The following BTC variants were observed in gnomAD, a reference collection of about 807,000 sequenced individuals.
The protein encoded by BTC is probetacellulin.
Under a neutral mutation model 18.1 loss-of-function variants are expected in BTC, and 13 were observed. The observed-to-expected ratio is 0.72, with a 90% confidence interval of 0.47 to 1.14. The LOEUF is 1.14. BTC is among the 50% of genes most tolerant of loss of function. BTC has a pLI of 0.00. For synonymous variants in BTC, 83 were observed against 79.4 expected, an observed-to-expected ratio of 1.05 and a Z score of -0.24; for missense variants, 247 against 224.2, an observed-to-expected ratio of 1.10 and a Z score of -0.65.
Position 74,755,879 on chromosome 4 carries a change from G to T in BTC, c.261C>A (p.Ala87=). 1 of 1,614,080 alleles carries T rather than the reference G, an allele frequency of 6.2e-7. No individual in the cohort carries two copies. Among genetic ancestry groups the T allele is most frequent in the African/African-American group, 1.3e-5 (1 of 75,026 alleles). ...CTTACACACAGGAGGGCGTCTGCTC[G>T]GCCACCACGAAGCGGCATCTCCCTT... The part of the protein sequence containing the change: ...CIKGRCRFVV[A]EQTPSCVCDE... Residue 87 remains alanine (A), a synonymous_variant, in exon 3 of 6, where the codon GCC becomes GCA. Transcript: ENST00000395743.
At chr4:74,764,705 T>C (rs949453102) in intron 2 of BTC, among the ~76,000 whole-genome samples, 1 of 152,220 alleles carries the variant, frequency 6.6e-6, no homozygotes, top group African/African-American at 2.4e-5. Context: ...GAGGCCATTA[T>C]TTTAAGAGAA....
chr4:74,758,679 C>A (rs1361310983), intron 2 of BTC, among the ~76,000 whole-genome samples: 1 of 152,128 alleles, frequency 6.6e-6, no homozygotes, highest in Non-Finnish European at 1.5e-5. Context: ...AGCAAATTAA[C>A]CAGCAGCTGC....
chr4:74,772,690 C>T (rs534095229), intron 1 of BTC, among the ~76,000 whole-genome samples: 13 of 151,730 alleles, frequency 8.6e-5, no homozygotes, highest in East Asian at 3.9e-4. Flanking sequence ...ATAGAGATTC[C>T]GCATCTGCAA....
chr4:74,786,397 C>A (rs1012910668), intron 1 of BTC, among the ~76,000 whole-genome samples: 11 of 152,182 alleles, frequency 7.2e-5, no homozygotes, highest in African/African-American at 2.7e-4. Flanking sequence ...AGAGTTCAGA[C>A]AATTGATTGT....
At chr4:74,786,397 C>T (rs1012910668) in intron 1 of BTC, among the ~76,000 whole-genome samples, 1 of 152,182 alleles carries the variant, frequency 6.6e-6, no homozygotes, top group Non-Finnish European at 1.5e-5. Flanking sequence ...AGAGTTCAGA[C>T]AATTGATTGT....
At chr4:74,751,832 G>C (rs1322179956) in intron 3 of BTC, among the ~76,000 whole-genome samples, 1 of 152,060 alleles carries the variant, frequency 6.6e-6, no homozygotes, top group Non-Finnish European at 1.5e-5. Flanking sequence ...TAATATTAGG[G>C]AAATAGTAAT....
At chr4:74,759,264 A>G (rs6843005) in intron 2 of BTC, among the ~76,000 whole-genome samples, 93,683 of 151,970 alleles carry the variant, frequency 0.62, 28,974 homozygotes, top group East Asian at 0.66. Context: ...TAAGTGTCGT[A>G]TTTCTCTGCT....
intron 4 of BTC, 80 bp from the exon 5 acceptor site, chr4:74,748,229 A>G (rs1460179914): frequency 1.1e-5 from 10 of 891,848 alleles, no homozygotes; most frequent in Non-Finnish European, 1.4e-5. Context: ...AGATCCTATG[A>G]TCAGGTTTCT....
intron 2 of BTC, among the ~76,000 whole-genome samples, chr4:74,759,047 T>C (rs951986921): frequency 6.6e-6 from 1 of 152,132 alleles, no homozygotes; most frequent in African/African-American, 2.4e-5. Flanking sequence ...TTCTTTTTTT[T>C]GAACGGCACC....
intron 5 of BTC, 111 bp from the exon 6 acceptor site, chr4:74,746,786 GT>G (rs34803105): frequency 0.21 from 32,282 of 152,282 alleles, 3,778 homozygotes; most frequent in Middle Eastern, 0.28. Flanking sequence ...CAATAATGTT[GT>G]TTTTGTAATA....
intron 2 of BTC, among the ~76,000 whole-genome samples, chr4:74,769,072 T>G (rs912480654): frequency 2.6e-5 from 4 of 152,126 alleles, no homozygotes; most frequent in Non-Finnish European, 4.4e-5. Context: ...CAGGAAGACT[T>G]GCTCAGTGTG....
intron 1 of BTC, among the ~76,000 whole-genome samples, chr4:74,772,954 G>A (rs1313033519): frequency 2.6e-5 from 4 of 152,152 alleles, no homozygotes; most frequent in African/African-American, 9.7e-5. Context: ...GCTAAGCTTT[G>A]TTTCACATGC....
At chr4:74,790,845 A>AG (rs1318060841) in intron 1 of BTC, among the ~76,000 whole-genome samples, 1 of 152,234 alleles carries the variant, frequency 6.6e-6, no homozygotes, top group Non-Finnish European at 1.5e-5. Context: ...AAGAGCCAGG[A>AG]GTCCAAGAAT....
At chr4:74,762,697 T>C (rs974867549) in intron 2 of BTC, among the ~76,000 whole-genome samples, 2 of 152,138 alleles carry the variant, frequency 1.3e-5, no homozygotes, top group Non-Finnish European at 2.9e-5. Flanking sequence ...GACCATCATA[T>C]AAGAGTAGAC....
intron 1 of BTC, among the ~76,000 whole-genome samples, chr4:74,772,595 C>T (rs1479798367): frequency 1.3e-5 from 2 of 151,584 alleles, no homozygotes; most frequent in African/African-American, 4.8e-5. Flanking sequence ...AAATCCCATC[C>T]ATGGGCTTTC....
chr4:74,775,043 G>T (rs917082012), intron 1 of BTC, among the ~76,000 whole-genome samples: 2 of 152,064 alleles, frequency 1.3e-5, no homozygotes, highest in African/African-American at 4.8e-5. Flanking sequence ...TCTGGATTGT[G>T]GTACCAATCA....
At chr4:74,779,885 A>G (rs75787250) in intron 1 of BTC, among the ~76,000 whole-genome samples, 81 of 152,290 alleles carry the variant, frequency 5.3e-4, no homozygotes, top group South Asian at 2.1e-3. Flanking sequence ...AATATAAATA[A>G]AGAAATATTA....
chr4:74,748,435 C>T (rs1174055489), intron 4 of BTC, among the ~76,000 whole-genome samples: 1 of 151,886 alleles, frequency 6.6e-6, no homozygotes, highest in African/African-American at 2.4e-5. Flanking sequence ...ACTCGGGAGG[C>T]TGAGGCAGGA....
At position 74,746,440 on chromosome 4, in the gene BTC, T is replaced by A. The variant is rs1044057696; in HGVS notation, c.*237A>T. 1.3e-5 allele frequency: 2 copies of A among 152,642 alleles called. No individual in the cohort carries two copies. Among genetic ancestry groups the A allele is most frequent in the Non-Finnish European group, 2.9e-5 (2 of 68,036 alleles). The allele number at this position is 152,642 out of a possible 1,614,324, so 9.5% of individuals were successfully genotyped here. On this transcript the variant is annotated 3_prime_UTR_variant, in exon 6 of 6. Coordinates refer to ENST00000395743, the MANE Select transcript of BTC (RefSeq NM_001729.4). ...TACTTAAGTGAAAGGTTATTGAAAT[T>A]TCCCTTCTGTTGTTGCTACCTAACC...
Sources: gnomAD v4.1 joint callset for allele counts (sites outside exome capture counted in the v4.1 genomes callset) on GRCh38, gnomAD v4.1.1 for gene constraint, MANE v1.5 for transcripts, NCBI Gene and HGNC (gene_info 2026-07-23, HGNC 2026-07-21) for gene names.